CDC25B: variants seen among roughly 807,000 people sequenced by gnomAD.
CDC25B encodes the protein M-phase inducer phosphatase 2.
A neutral mutation model predicts 69.8 loss-of-function variants in CDC25B; 33 were observed. The ratio of observed to expected loss-of-function variants is 0.47; its 90% confidence interval spans 0.36 to 0.63. The LOEUF is 0.63. CDC25B is among the 30% of genes least tolerant of loss of function. CDC25B has a pLI of 0.00. For missense variants in CDC25B, 727 were observed against 809.1 expected, an observed-to-expected ratio of 0.90 and a Z score of 1.23; for synonymous variants, 341 against 314.6, an observed-to-expected ratio of 1.08 and a Z score of -0.89.
chr20:3,790,887 G>T (rs1454830857), intron 1 of CDC25B, among the ~76,000 whole-genome samples: 1 of 151,616 alleles, frequency 6.6e-6, no homozygotes, highest in Non-Finnish European at 1.5e-5. Flanking sequence ...TGTATTTTTT[G>T]TAGAGACAGA....
At chr20:3,800,651 G>C in intron 5 of CDC25B, 92 bp from the exon 6 acceptor site, 1 of 1,594,150 alleles carries the variant, frequency 6.3e-7, no homozygotes. Context: ...AGTGGGAGGA[G>C]CTGGAGGAGA....
Position 3,803,326 on chromosome 20 carries a change from G to A in CDC25B, c.1357-78G>A, listed in dbSNP as rs931316570. On this transcript the variant is annotated intron_variant, in intron 13 of 15. Coordinates refer to ENST00000245960, the MANE Select transcript of CDC25B (RefSeq NM_021873.4). The surrounding 1 kb of genome is among the most constrained non-coding windows in gnomAD (Gnocchi z 4.9). ...CTCTCATGGGGAGGGTTCCTACTAA[G>A]AGAAGGACAGCGACTGCACGGGGAG... The A allele has an allele frequency of 1.3e-6, 2 of 1,599,702 alleles. No homozygotes were observed.
intron 1 of CDC25B, among the ~76,000 whole-genome samples, chr20:3,790,632 G>A (rs1166351101): frequency 6.6e-6 from 1 of 152,024 alleles, no homozygotes; most frequent in Admixed American, 6.6e-5. Flanking sequence ...GTGCAATGGT[G>A]CAATGTCAGC....
At chr20:3,790,285 T>C (rs1233768088) in intron 1 of CDC25B, among the ~76,000 whole-genome samples, 1 of 151,722 alleles carries the variant, frequency 6.6e-6, no homozygotes, top group African/African-American at 2.4e-5. Flanking sequence ...AAAAAGGTTT[T>C]ATTAAGATAT....
At chr20:3,789,856 G>C (rs1432307240) in intron 1 of CDC25B, among the ~76,000 whole-genome samples, 10 of 152,170 alleles carry the variant, frequency 6.6e-5, no homozygotes, top group African/African-American at 2.4e-4. Flanking sequence ...GGGCATGGTG[G>C]CGGGCGCCTG....
At chr20:3,797,347 C>T (rs918130200) in intron 1 of CDC25B, among the ~76,000 whole-genome samples, 5 of 152,200 alleles carry the variant, frequency 3.3e-5, no homozygotes, top group African/African-American at 1.2e-4. Flanking sequence ...CTTAGGCTGG[C>T]CTCCAGCCAG....
intron 5 of CDC25B, 66 bp from the exon 6 acceptor site, chr20:3,800,677 G>A: frequency 6.3e-7 from 1 of 1,599,744 alleles, no homozygotes; most frequent in Non-Finnish European, 8.5e-7. Flanking sequence ...AGAAGGTAGG[G>A]CCTGGGCTCG....
upstream of CDC25B, chr20:3,795,809 A>G: frequency 1.0e-6 from 1 of 985,208 alleles, no homozygotes; most frequent in South Asian, 4.7e-5. Context: ...GGAGCGAGCG[A>G]ATCCTGGCCC....
intron 11 of CDC25B, 74 bp from the exon 12 acceptor site, chr20:3,802,836 C>A: frequency 3.1e-6 from 4 of 1,285,466 alleles, no homozygotes; most frequent in Non-Finnish European, 4.5e-6. Flanking sequence ...GGGAATGAAA[C>A]TTCATTCTTT....
chr20:3,796,706 A>G lies in CDC25B; in HGVS notation c.175A>G (p.Met59Val), dbSNP rs372183442. The G allele has an allele frequency of 8.3e-6, 13 of 1,567,724 alleles. No individual in the cohort carries two copies. The African/African-American group carries it at 1.4e-4, about 17-fold the overall frequency. Residue 59 changes from methionine (M) to valine (V), a missense_variant, in exon 1 of 16, where the codon ATG becomes GTG. Met to Val is a conservative substitution (Grantham distance 21). Coordinates refer to ENST00000245960, the MANE Select transcript of CDC25B (RefSeq NM_021873.4). ...SSPVTTLTQT[M>V]HDLAGLGSET... ...GCCGGTCACCACCCTCACCCAGACCATGCACGACCTCGCCGGGCTCGGCAG... is the reference window on the plus strand; with the variant it reads ...GCCGGTCACCACCCTCACCCAGACCGTGCACGACCTCGCCGGGCTCGGCAG...
At chr20:3,788,933 A>G (rs543096351) in intron 1 of CDC25B, among the ~76,000 whole-genome samples, 1 of 151,472 alleles carries the variant, frequency 6.6e-6, no homozygotes, top group East Asian at 1.9e-4. Context: ...AGTGCCATAC[A>G]AAGGGCATTG....
intron 8 of CDC25B, 51 bp downstream of exon 8, chr20:3,801,439 C>A: frequency 6.5e-7 from 1 of 1,542,596 alleles, no homozygotes; most frequent in South Asian, 1.2e-5. Flanking sequence ...CTGGGTTCGC[C>A]CAAAAGAAGA....
upstream of CDC25B, among the ~76,000 whole-genome samples, chr20:3,794,718 G>C (rs1029718766): frequency 2.0e-5 from 3 of 152,118 alleles, no homozygotes; most frequent in Admixed American, 6.5e-5. Flanking sequence ...TTGGAGAAAA[G>C]GAAAGGTCAC....
At position 3,796,418 on chromosome 20, in the gene CDC25B, TCCCCCCCCCCCCAC is replaced by T; in HGVS notation, c.-110_-97del. On this transcript the variant is annotated 5_prime_UTR_variant, in exon 1 of 16. Transcript: ENST00000245960. The stretch of plus-strand genomic sequence containing the variant: ...CTGTGGCTCTTCCTCCCTCCCTCCT[TCCCCCCCCCCCCAC>T]CCCTCGCCCGCTGCCTCCCTCGGCC... 2 of 151,654 alleles carry T rather than the reference TCCCCCCCCCCCCAC, an allele frequency of 1.3e-5. No homozygotes were observed. Among genetic ancestry groups the T allele is most frequent in the Non-Finnish European group, 1.5e-5 (2 of 130,154 alleles). 9.4% of individuals were successfully genotyped at this position (151,654 alleles called of 1,614,324 possible). A position where few individuals can be genotyped will look rare whatever the true frequency, so the allele number is the denominator to read the frequency against.
In CDC25B at chr20:3,804,957, A is replaced by G. The variant is rs200551395; in HGVS notation, c.1739A>G (p.Gln580Arg). ...RRELCSRLQDQ is the reference protein window; with the variant it reads ...RRELCSRLQDR Reference sequence around the variant, plus strand: ...GAGCTCTGTAGCCGGCTGCAGGACCAGTGAGGGGCCTGCGCCAGTCCTGCT... The same window carrying G: ...GAGCTCTGTAGCCGGCTGCAGGACCGGTGAGGGGCCTGCGCCAGTCCTGCT... Residue 580 changes from glutamine to arginine, a missense_variant, in exon 16 of 16, where the codon CAG becomes CGG. This residue lies in a region of CDC25B where 359 missense variants were observed against 463.4 expected (regional missense o/e 0.77). Coordinates refer to ENST00000245960, the MANE Select transcript of CDC25B (RefSeq NM_021873.4). The G allele has an allele frequency of 2.1e-4, 336 of 1,612,026 alleles. 3 individuals are homozygous for G. In the East Asian group the frequency reaches 7.3e-3, roughly 35 times the overall value.
intron 4 of CDC25B, 42 bp from the exon 5 acceptor site, chr20:3,800,420 C>T: frequency 6.2e-7 from 1 of 1,613,810 alleles, no homozygotes; most frequent in South Asian, 1.1e-5. Flanking sequence ...GGTCCCTGCC[C>T]TGCCTCTCCC....
At chr20:3,802,232 G>C in intron 10 of CDC25B, 49 bp from the exon 11 acceptor site, 1 of 1,567,130 alleles carries the variant, frequency 6.4e-7, no homozygotes, top group Non-Finnish European at 8.8e-7. Context: ...CCAGAGCACT[G>C]GGGGGCAGCC....
rs577638878 is a variant in CDC25B, at chr20:3,800,831, G to A, written c.548G>A (p.Gly183Glu). The change falls in exon 6 of 16, where the codon GGA (glycine) becomes GAA (glutamate). Residue 183 changes from glycine (G) to glutamate (E), a missense_variant. By Grantham distance (98) the Gly-to-Glu change is moderately conservative. Around this residue, in one of 2 missense-constraint regions of CDC25B, gnomAD observed 368 missense variants for 345.6 expected, o/e 1.06. Transcript: ENST00000245960. ...CGGAGGAAGAGCGAGGCGGGCAGTG[G>A]AGCTGCCAGCAGCTCTGGGGAAGAC... ...DGRRKSEAGSGAASSSGEDKE... is the reference protein window; with the variant it reads ...DGRRKSEAGSEAASSSGEDKE... The A allele has an allele frequency of 8.4e-5, 135 of 1,613,642 alleles. 1 individual carries two copies. The South Asian group carries it at 1.4e-3, about 17-fold the overall frequency.
upstream of CDC25B, among the ~76,000 whole-genome samples, chr20:3,794,501 C>G (rs1428719944): frequency 8.2e-6 from 1 of 122,208 alleles, no homozygotes; most frequent in Admixed American, 8.3e-5. Context: ...TTTGAAAATG[C>G]AAATCTCGGG....
Sources: allele counts gnomAD v4.1 joint callset (sites outside exome capture counted in the v4.1 genomes callset), GRCh38; gene constraint gnomAD v4.1.1; regional missense constraint gnomAD v4.1.1; non-coding constraint Gnocchi (gnomAD v3.1); transcripts MANE v1.5; gene names NCBI Gene and HGNC (gene_info 2026-07-23, HGNC 2026-07-21).